APBA2: variants seen among roughly 807,000 people sequenced by gnomAD.
APBA2 encodes the protein amyloid-beta A4 precursor protein-binding family A member 2.
Under a neutral mutation model 75.0 loss-of-function variants are expected in APBA2, and 30 were observed. That is an observed-to-expected ratio of 0.40 (90% CI 0.30 to 0.54). The LOEUF is 0.54. Among genes scored for constraint, APBA2 ranks in the 20% least tolerant of loss-of-function variants. APBA2 has a pLI of 0.49. For missense variants in APBA2, 801 were observed against 1,016.1 expected (o/e 0.79, Z 2.88); for synonymous variants, 444 against 409.6 (o/e 1.08, Z -1.01).
At chr15:28,971,390 C>T in intron 2 of APBA2, among the ~76,000 whole-genome samples, 1 of 152,140 alleles carries the variant, frequency 6.6e-6, no homozygotes, top group Admixed American at 6.5e-5. Context: ...CCTCTGTTTC[C>T]ACCCAAGACC....
At chr15:29,022,348 T>G (rs1164828717) in intron 3 of APBA2, among the ~76,000 whole-genome samples, 1 of 152,232 alleles carries the variant, frequency 6.6e-6, no homozygotes, top group Non-Finnish European at 1.5e-5. Context: ...CAGGTAATAG[T>G]GTGTTTTGCA....
intron 4 of APBA2, among the ~76,000 whole-genome samples, 163 bp from the exon 5 acceptor site, chr15:29,074,758 C>A (rs1396245723): frequency 2.0e-5 from 3 of 151,770 alleles, no homozygotes; most frequent in Admixed American, 6.6e-5. Flanking sequence ...ATATTAAGTG[C>A]ATAGCAGTTT....
rs555726641 is a variant in APBA2 at position 29,104,087 on chromosome 15, G to C, written c.1525-1292G>C. Among the ~76,000 whole-genome samples the C allele has an allele frequency of 3.9e-5, 6 of 152,362 alleles. No homozygotes were observed. In the South Asian group the frequency reaches 8.3e-4, roughly 21 times the overall value. On this transcript the variant is annotated intron_variant, in intron 10 of 14. Coordinates refer to ENST00000683413, the MANE Select transcript of APBA2 (RefSeq NM_001353788.2). ...GCCGCCTGCTGCGCGCTTCTAATCC[G>C]GCCCAGCTTGTCTTTCCCAATGCAT... is the stretch of plus-strand genomic sequence containing the variant.
At chr15:28,960,192 G>T (rs2152736408) in intron 2 of APBA2, among the ~76,000 whole-genome samples, 1 of 150,790 alleles carries the variant, frequency 6.6e-6, no homozygotes, top group Middle Eastern at 3.5e-3. Flanking sequence ...TGGGCGAAGT[G>T]GCTCGTGCCT....
At chr15:28,969,180 C>CTTTCTTTCTTTCTTTCTTTCTTTCCT in intron 2 of APBA2, among the ~76,000 whole-genome samples, 1 of 130,938 alleles carries the variant, frequency 7.6e-6, no homozygotes, top group South Asian at 2.9e-4. Flanking sequence ...TTCTTTCTTT[C>CTTTCTTTCTTTCTTTCTTTCTTTCCT]TTTTTTTTAT....
At chr15:28,927,569 C>T (rs1457537511) in intron 2 of APBA2, among the ~76,000 whole-genome samples, 2 of 151,762 alleles carry the variant, frequency 1.3e-5, no homozygotes, top group African/African-American at 4.8e-5. Flanking sequence ...TGTTCCCCTC[C>T]CCAACCCATT....
chr15:28,971,153 CT>C (rs1253120415), intron 2 of APBA2, among the ~76,000 whole-genome samples: 2 of 152,158 alleles, frequency 1.3e-5, no homozygotes, highest in African/African-American at 4.8e-5. Context: ...GAACGCTGTG[CT>C]TTCTTAGTCT....
chr15:29,115,282 C>G (rs2045024903), intron 14 of APBA2, among the ~76,000 whole-genome samples: 2 of 151,918 alleles, frequency 1.3e-5, no homozygotes, highest in South Asian at 4.2e-4. Flanking sequence ...GTCTCTAGTT[C>G]CTGTTCTTCG....
chr15:29,090,242 G>A (rs2043494096), intron 6 of APBA2, among the ~76,000 whole-genome samples: 1 of 152,210 alleles, frequency 6.6e-6, no homozygotes, highest in African/African-American at 2.4e-5. Context: ...TGCTTCACTG[G>A]CCTCATCCCG....
rs1371374639 is a variant in APBA2, at chr15:29,113,818, T to TGGAGC, written c.2038-56_2038-52dup. On this transcript the variant is annotated intron_variant, in intron 13 of 14. Coordinates refer to ENST00000683413, the MANE Select transcript of APBA2 (RefSeq NM_001353788.2). ...GCATGTCCCATCTTTGGGGACGTGG[T>TGGAGC]GGAGCGCCTGTCGGGTGTGGCGGGA... The TGGAGC allele has an allele frequency of 2.5e-6, 4 of 1,593,558 alleles. No individual in the cohort carries two copies. The Admixed American group carries it at 6.7e-5, about 27-fold the overall frequency.
chr15:29,009,715 TTA>T (rs1465859097), intron 3 of APBA2, among the ~76,000 whole-genome samples: 2 of 152,220 alleles, frequency 1.3e-5, no homozygotes, highest in African/African-American at 4.8e-5. Context: ...TTATGCAACA[TTA>T]TGTTTGTGAG....
At chr15:28,996,105 A>G (rs2038503669) in intron 3 of APBA2, among the ~76,000 whole-genome samples, 2 of 152,104 alleles carry the variant, frequency 1.3e-5, no homozygotes, top group Admixed American at 1.3e-4. Context: ...TCCTCTCCTC[A>G]TTATACTGGT....
chr15:28,903,458 AC>A (rs1320195227), intron 1 of APBA2, among the ~76,000 whole-genome samples: 3 of 152,300 alleles, frequency 2.0e-5, no homozygotes, highest in Middle Eastern at 3.4e-3. Context: ...CCTGCTGGGG[AC>A]ACAGAAAAAC....
intron 2 of APBA2, among the ~76,000 whole-genome samples, chr15:28,965,365 T>C (rs2152743945): frequency 6.6e-6 from 1 of 152,306 alleles, no homozygotes; most frequent in Middle Eastern, 3.4e-3. Flanking sequence ...TCACACTGTC[T>C]TGATTACTAT....
At chr15:29,099,651 C>T (rs906980889) in intron 9 of APBA2, among the ~76,000 whole-genome samples, 6 of 152,236 alleles carry the variant, frequency 3.9e-5, no homozygotes, top group African/African-American at 9.6e-5. Context: ...CTGAGATCCA[C>T]GTTCCCAGAT....
rs377514304 is a variant in APBA2 at position 29,032,069 on chromosome 15, T to C, written c.-40-21776T>C. The stretch of plus-strand genomic sequence containing the variant: ...GAAGAGTGTGTAACTCTGGGCAGGA[T>C]AGGAAGAGGTGACACCTCCATGAGA... On this transcript the variant is annotated intron_variant, in intron 3 of 14. Transcript: ENST00000683413. 4.6e-5 allele frequency among the ~76,000 whole-genome samples: 7 copies of C among 152,300 alleles called. No individual in the cohort carries two copies. In the South Asian group the frequency reaches 6.2e-4, roughly 14 times the overall value.
At chr15:29,034,594 C>T (rs1173822935) in intron 3 of APBA2, among the ~76,000 whole-genome samples, 2 of 152,130 alleles carry the variant, frequency 1.3e-5, no homozygotes, top group African/African-American at 4.8e-5. Context: ...TGTATGCATG[C>T]TATTTGTTTA....
At chr15:29,028,069 T>C (rs1313954660) in intron 3 of APBA2, among the ~76,000 whole-genome samples, 1 of 151,888 alleles carries the variant, frequency 6.6e-6, no homozygotes, top group Non-Finnish European at 1.5e-5. Context: ...ACGTGTGCCA[T>C]GGTGGTTTGC....
chr15:28,912,474 G>A (rs923993652), intron 1 of APBA2, among the ~76,000 whole-genome samples: 3 of 152,240 alleles, frequency 2.0e-5, no homozygotes, highest in Non-Finnish European at 4.4e-5. Flanking sequence ...GCATTGCTAA[G>A]GCAAGGAGCT....
Sources: allele counts gnomAD v4.1 joint callset (sites outside exome capture counted in the v4.1 genomes callset), GRCh38; gene constraint gnomAD v4.1.1; transcripts MANE v1.5; gene names NCBI Gene and HGNC (gene_info 2026-07-23, HGNC 2026-07-21).